EPHA6: variants seen among roughly 807,000 people sequenced by gnomAD.
The protein encoded by EPHA6 is ephrin type-A receptor 6.
EPHA6 carries 50 observed loss-of-function variants against 112.0 expected under a neutral mutation model. The observed-to-expected ratio is 0.45, with a 90% CI of 0.36 to 0.56. The LOEUF is 0.56. Ranked by LOEUF, EPHA6 falls within the 20% of genes least tolerant of loss-of-function variation. The probability of loss-of-function intolerance (pLI) is 0.00; values close to 1 mark genes in which losing one functional copy is unlikely to be tolerated. For missense variants in EPHA6, 1,280 were observed against 1,417.4 expected (o/e 0.90, Z 1.56); for synonymous variants, 529 against 490.7 (o/e 1.08, Z -1.03).
At chr3:97,257,988 T>G (rs2108612567) in intron 5 of EPHA6, among the ~76,000 whole-genome samples, 1 of 152,188 alleles carries the variant, frequency 6.6e-6, no homozygotes, top group East Asian at 1.9e-4. Context: ...CTGTGTGGTG[T>G]GTTTATAGTT....
intron 5 of EPHA6, among the ~76,000 whole-genome samples, chr3:97,330,014 C>A (rs552824920): frequency 6.6e-6 from 1 of 152,240 alleles, no homozygotes; most frequent in Non-Finnish European, 1.5e-5. Context: ...AGGAAGGGAT[C>A]CAGTTTCAGC....
intron 14 of EPHA6, among the ~76,000 whole-genome samples, chr3:97,668,944 A>AAAAG (rs2030474528): frequency 6.8e-6 from 1 of 147,250 alleles, no homozygotes; most frequent in Non-Finnish European, 1.5e-5. Context: ...AAAAAAAAAA[A>AAAAG]TCCACTAAGT....
intron 3 of EPHA6, among the ~76,000 whole-genome samples, chr3:97,157,439 T>C (rs1367562628): frequency 6.6e-6 from 1 of 152,170 alleles, no homozygotes; most frequent in East Asian, 1.9e-4. Flanking sequence ...TACTTAGCAG[T>C]ACACATAAAT....
At chr3:97,448,069 G>A (rs181349641) in intron 6 of EPHA6, among the ~76,000 whole-genome samples, 13 of 152,170 alleles carry the variant, frequency 8.5e-5, no homozygotes, top group African/African-American at 3.1e-4. Context: ...ATGACTTCAG[G>A]ATAAAAGATT....
chr3:96,850,514 A>G (rs1030898105), intron 1 of EPHA6, among the ~76,000 whole-genome samples: 1 of 152,132 alleles, frequency 6.6e-6, no homozygotes, highest in Non-Finnish European at 1.5e-5. Context: ...GAAGAGGCAC[A>G]AAACTGGAAT....
chr3:96,815,561 T>G (rs1305250125), intron 1 of EPHA6, among the ~76,000 whole-genome samples: 1 of 152,124 alleles, frequency 6.6e-6, no homozygotes, highest in Non-Finnish European at 1.5e-5. Context: ...CTAGACCAGA[T>G]GCTCCAGATC....
chr3:96,833,051 C>A (rs935111075), intron 1 of EPHA6, among the ~76,000 whole-genome samples: 1 of 151,550 alleles, frequency 6.6e-6, no homozygotes, highest in Non-Finnish European at 1.5e-5. Flanking sequence ...GTATCTTCTG[C>A]GTTGAATTAT....
intron 5 of EPHA6, among the ~76,000 whole-genome samples, chr3:97,341,220 A>G (rs1015681563): frequency 6.6e-6 from 1 of 152,284 alleles, no homozygotes; most frequent in East Asian, 1.9e-4. Flanking sequence ...CTGTCAGAAA[A>G]ATGCAACTTG....
At chr3:97,650,299 T>C (rs1418096715) in intron 14 of EPHA6, among the ~76,000 whole-genome samples, 1 of 152,076 alleles carries the variant, frequency 6.6e-6, no homozygotes, top group Non-Finnish European at 1.5e-5. Context: ...GAAACTCTTA[T>C]GAAATATACT....
At chr3:97,174,833 C>T (rs1227351987) in intron 3 of EPHA6, among the ~76,000 whole-genome samples, 2 of 151,730 alleles carry the variant, frequency 1.3e-5, no homozygotes, top group African/African-American at 4.8e-5. Flanking sequence ...AATATTTTCT[C>T]CCATTCAGTG....
At chr3:97,468,218 A>C (rs961176044) in intron 7 of EPHA6, among the ~76,000 whole-genome samples, 1 of 151,318 alleles carries the variant, frequency 6.6e-6, no homozygotes, top group African/African-American at 2.4e-5. Context: ...GTTTCCATTC[A>C]GCTGAGAAAT....
At chr3:97,556,504 T>C (rs1271202601) in intron 11 of EPHA6, among the ~76,000 whole-genome samples, 1 of 151,974 alleles carries the variant, frequency 6.6e-6, no homozygotes, top group Admixed American at 6.6e-5. Flanking sequence ...AGTGAAGCAG[T>C]ATGGAAAAGC....
At chr3:96,818,782 A>G (rs2033015488) in intron 1 of EPHA6, among the ~76,000 whole-genome samples, 1 of 151,922 alleles carries the variant, frequency 6.6e-6, no homozygotes. Context: ...GGAACACTGG[A>G]TTACTTAGAA....
At chr3:97,347,404 A>G (rs1302367148) in intron 5 of EPHA6, among the ~76,000 whole-genome samples, 2 of 152,118 alleles carry the variant, frequency 1.3e-5, no homozygotes, top group Non-Finnish European at 2.9e-5. Context: ...GTTTTGTTCA[A>G]TATTATATGT....
intron 5 of EPHA6, among the ~76,000 whole-genome samples, chr3:97,399,889 G>A (rs183605687): frequency 6.6e-6 from 1 of 151,266 alleles, no homozygotes; most frequent in Non-Finnish European, 1.5e-5. Flanking sequence ...TTTTTCAGGT[G>A]TTTTTTGACT....
chr3:97,570,403 G>A (rs2093320970), intron 11 of EPHA6, among the ~76,000 whole-genome samples: 1 of 152,224 alleles, frequency 6.6e-6, no homozygotes, highest in African/African-American at 2.4e-5. Flanking sequence ...TAAACATTAG[G>A]TTTATATGGG....
At chr3:97,225,233 G>A (rs940342021) in intron 3 of EPHA6, among the ~76,000 whole-genome samples, 2 of 152,178 alleles carry the variant, frequency 1.3e-5, no homozygotes, top group African/African-American at 4.8e-5. Flanking sequence ...GGGATTACAG[G>A]CGTGAGCCAC....
At chr3:97,400,687 G>A (rs1242377538) in intron 5 of EPHA6, among the ~76,000 whole-genome samples, 1 of 151,446 alleles carries the variant, frequency 6.6e-6, no homozygotes, top group Non-Finnish European at 1.5e-5. Context: ...TATTGTTGCA[G>A]CTATTTTAAA....
Position 97,479,894 on chromosome 3 carries a change from C to A in EPHA6, c.2074+530C>A, listed in dbSNP as rs1401215735. Reference sequence around the variant, plus strand: ...ATTCCCAAGCAACCTATAATTACCACTATAGCTGGTTTGATAACTGACAAC... The same window carrying A: ...ATTCCCAAGCAACCTATAATTACCAATATAGCTGGTTTGATAACTGACAAC... On this transcript the variant is annotated intron_variant, in intron 9 of 17. Coordinates refer to ENST00000389672, the MANE Select transcript of EPHA6 (RefSeq NM_001080448.3). Among the ~76,000 whole-genome samples the A allele has an allele frequency of 3.9e-5, 6 of 152,138 alleles. No individual in the cohort carries two copies. The East Asian group carries it at 1.2e-3, about 29-fold the overall frequency.
Sources: allele counts gnomAD v4.1 joint callset (sites outside exome capture counted in the v4.1 genomes callset), GRCh38; gene constraint gnomAD v4.1.1; transcripts MANE v1.5; gene names NCBI Gene and HGNC (gene_info 2026-07-23, HGNC 2026-07-21).